ZYG11B: variants seen among roughly 807,000 people sequenced by gnomAD.
The protein encoded by ZYG11B is zyg-11 family member B, cell cycle regulator.
A neutral mutation model predicts 82.4 loss-of-function variants in ZYG11B; 36 were observed. That is an observed-to-expected ratio of 0.44 (90% CI 0.33 to 0.58). The LOEUF is 0.58. Among genes scored for constraint, ZYG11B ranks in the 20% least tolerant of loss-of-function variants. The probability of loss-of-function intolerance (pLI) is 0.02; values close to 1 mark genes in which losing one functional copy is unlikely to be tolerated. For synonymous variants in ZYG11B, 303 were observed against 312.8 expected (o/e 0.97, Z 0.33); for missense variants, 552 against 895.6 (o/e 0.62, Z 4.90).
chr1:52,746,133 AT>A (rs1014872558), intron 1 of ZYG11B, among the ~76,000 whole-genome samples: 1 of 150,704 alleles, frequency 6.6e-6, no homozygotes, highest in Admixed American at 6.6e-5. Flanking sequence ...AATTTTTTGT[AT>A]TTTTTTTAGT....
At chr1:52,754,492 C>T (rs899230118) in intron 1 of ZYG11B, 1 of 152,300 alleles carries the variant, frequency 6.6e-6, no homozygotes, top group Admixed American at 6.5e-5. Flanking sequence ...AGCAATTCTC[C>T]TGCCTCAGCC....
chr1:52,797,311 A>G (rs1336127950), intron 8 of ZYG11B, among the ~76,000 whole-genome samples: 6 of 84,806 alleles, frequency 7.1e-5, no homozygotes, highest in African/African-American at 3.4e-4. Context: ...ATATAAATAT[A>G]TACATATAAT....
At chr1:52,814,810 G>A (rs564309857) in intron 12 of ZYG11B, among the ~76,000 whole-genome samples, 14 of 152,140 alleles carry the variant, frequency 9.2e-5, no homozygotes, top group African/African-American at 3.1e-4. Context: ...AAAAAGCATC[G>A]TATTAATGTA....
At chr1:52,754,958 T>C (rs868746518) in intron 1 of ZYG11B, among the ~76,000 whole-genome samples, 8 of 121,140 alleles carry the variant, frequency 6.6e-5, no homozygotes, top group Middle Eastern at 4.1e-3. Flanking sequence ...AAAAGCCTAT[T>C]CTTTTTTTTT....
At chr1:52,794,054 A>AG (rs1466220041) in intron 6 of ZYG11B, among the ~76,000 whole-genome samples, 1 of 151,714 alleles carries the variant, frequency 6.6e-6, no homozygotes, top group African/African-American at 2.4e-5. Context: ...AGCTCACTGC[A>AG]GCCTCTGCCT....
In ZYG11B at chr1:52,771,779, G is replaced by A. The variant is rs1644753445; in HGVS notation, c.951+5G>A. 6.3e-7 allele frequency: 1 copy of A among 1,598,868 alleles called. No homozygotes were observed. The highest frequency in any genetic ancestry group is 1.8e-5 in the Admixed American group (1 of 57,088). ...ACAGGCGAAGGACATTTGAAGGTTAGACTTTAAAAATGTATTATTTTGTCA... is the reference window on the plus strand; with the variant it reads ...ACAGGCGAAGGACATTTGAAGGTTAAACTTTAAAAATGTATTATTTTGTCA... On this transcript the variant is annotated splice_donor_5th_base_variant and intron_variant, in intron 3 of 13. Coordinates refer to ENST00000294353, the MANE Select transcript of ZYG11B (RefSeq NM_024646.3). The surrounding 1 kb of genome is among the most constrained non-coding windows in gnomAD (Gnocchi z 5.4).
At position 52,823,152 on chromosome 1, in the gene ZYG11B, A is replaced by C. The variant is rs1645295434; in HGVS notation, c.*1523A>C. Reference sequence around the variant, plus strand: ...CCTTCATGTGAATGAAAACTGAGTTAAAAGAAAGTAGGCATTTAGGTCTGG... The same window carrying C: ...CCTTCATGTGAATGAAAACTGAGTTCAAAGAAAGTAGGCATTTAGGTCTGG... On this transcript the variant is annotated 3_prime_UTR_variant, in exon 14 of 14. Coordinates refer to ENST00000294353, the MANE Select transcript of ZYG11B (RefSeq NM_024646.3). 1 of 152,116 alleles carries C rather than the reference A, an allele frequency of 6.6e-6. No homozygotes were observed. Among genetic ancestry groups the C allele is most frequent in the South Asian group, 2.1e-4 (1 of 4,822 alleles). 9.4% of individuals were successfully genotyped at this position (152,116 alleles called of 1,614,324 possible).
intron 10 of ZYG11B, among the ~76,000 whole-genome samples, chr1:52,808,307 T>C (rs1645157778): frequency 1.3e-5 from 2 of 151,934 alleles, no homozygotes; most frequent in Non-Finnish European, 2.9e-5. Flanking sequence ...GAGGTTGCAG[T>C]GAGCCGAGAT....
rs1645322449 is a variant in ZYG11B at position 52,826,039 on chromosome 1, A to G, written c.*4410A>G. The G allele has an allele frequency of 6.6e-6, 1 of 152,198 alleles. No individual in the cohort carries two copies. Among genetic ancestry groups the G allele is most frequent in the South Asian group, 2.1e-4 (1 of 4,832 alleles). The allele number at this position is 152,198 out of a possible 1,614,324, so 9.4% of individuals were successfully genotyped here. ...AAACTTAAACTCTTTGTATATGGTG[A>G]AACCCATCCCTCTCCTGCCCTCTAA... On this transcript the variant is annotated 3_prime_UTR_variant, in exon 14 of 14. Transcript: ENST00000294353.
At chr1:52,735,126 G>T (rs1468828071) in intron 1 of ZYG11B, among the ~76,000 whole-genome samples, 2 of 151,258 alleles carry the variant, frequency 1.3e-5, no homozygotes, top group Non-Finnish European at 2.9e-5. Flanking sequence ...CGCCTCCCAG[G>T]TTCAAGCGGT....
intron 4 of ZYG11B, among the ~76,000 whole-genome samples, chr1:52,783,904 A>ATATGTACATACACGTGTGTGTT (rs1558132749): frequency 1.5e-5 from 1 of 68,164 alleles, no homozygotes; most frequent in Non-Finnish European, 3.2e-5. Context: ...ACGTGTGTGT[A>ATATGTACATACACGTGTGTGTT]TATACATCTA....
chr1:52,805,091 C>CAAAAAAAAAAAAAAAAAA (rs57893615), intron 10 of ZYG11B: 1 of 112,262 alleles, frequency 8.9e-6, no homozygotes. Context: ...AACTCTGTCT[C>CAAAAAAAAAAAAAAAAAA]AAAAAAAAAA....
At chr1:52,784,817 C>T in intron 4 of ZYG11B, 60 bp from the exon 5 acceptor site, 2 of 1,526,616 alleles carry the variant, frequency 1.3e-6, no homozygotes, top group Non-Finnish European at 1.8e-6. Context: ...AATAATTCTG[C>T]TCTGTGAAGA....
intron 2 of ZYG11B, among the ~76,000 whole-genome samples, chr1:52,758,797 T>C (rs1305536594): frequency 6.6e-6 from 1 of 152,280 alleles, no homozygotes; most frequent in Non-Finnish European, 1.5e-5. Context: ...CAACCTGTCA[T>C]AGGAACTAGG....
Position 52,823,913 on chromosome 1 carries a change from T to G in ZYG11B, c.*2284T>G, listed in dbSNP as rs1221491879. 6.6e-6 allele frequency: 1 copy of G among 151,580 alleles called. No individual in the cohort carries two copies. Among genetic ancestry groups the G allele is most frequent in the Non-Finnish European group, 1.5e-5 (1 of 67,820 alleles). The allele number at this position is 151,580 out of a possible 1,614,324, so 9.4% of individuals were successfully genotyped here. On this transcript the variant is annotated 3_prime_UTR_variant, in exon 14 of 14. Coordinates refer to ENST00000294353, the MANE Select transcript of ZYG11B (RefSeq NM_024646.3). Reference sequence around the variant, plus strand: ...TGGGAGGCCGAGGCGGGCAGATCACTTGAGATCAGGAGTTCGAGACCACCC... The same window carrying G: ...TGGGAGGCCGAGGCGGGCAGATCACGTGAGATCAGGAGTTCGAGACCACCC...
chr1:52,764,669 G>A (rs1334174399), intron 2 of ZYG11B, among the ~76,000 whole-genome samples: 1 of 152,124 alleles, frequency 6.6e-6, no homozygotes, highest in Non-Finnish European at 1.5e-5. Flanking sequence ...TAGTCCAGTG[G>A]GAGACACAAT....
At position 52,771,241 on chromosome 1, in the gene ZYG11B, T is replaced by A; in HGVS notation, c.418T>A (p.Cys140Ser). 1 of 1,614,228 alleles carries A rather than the reference T, an allele frequency of 6.2e-7. No homozygotes were observed. The highest frequency in any genetic ancestry group is 1.1e-5 in the South Asian group (1 of 91,088). Reference sequence around the variant, plus strand: ...CAAATGGATCCAGCAGAATCTCCAGTGCCTGGTGCTGAATTCATTAACTCT... The same window carrying A: ...CAAATGGATCCAGCAGAATCTCCAGAGCCTGGTGCTGAATTCATTAACTCT... ...SNKWIQQNLQ[C>S]LVLNSLTLSL... Residue 140 changes from cysteine (C) to serine (S), a missense_variant, in exon 3 of 14, where the codon TGC becomes AGC. Around this residue, in one of 3 missense-constraint regions of ZYG11B, gnomAD observed 359 missense variants for 555.8 expected, o/e 0.65. Transcript: ENST00000294353. The surrounding 1 kb of genome is among the most constrained non-coding windows in gnomAD (Gnocchi z 5.4).
At chr1:52,737,953 T>C (rs1644391596) in intron 1 of ZYG11B, among the ~76,000 whole-genome samples, 1 of 152,266 alleles carries the variant, frequency 6.6e-6, no homozygotes, top group African/African-American at 2.4e-5. Context: ...TTTACTAGCC[T>C]AAATGGCACT....
At chr1:52,805,286 G>A in intron 10 of ZYG11B, 1 of 337,372 alleles carries the variant, frequency 3.0e-6, no homozygotes, top group Non-Finnish European at 5.8e-6. Context: ...AATGTAAATT[G>A]GAGCTTGTTT....
Sources: allele counts gnomAD v4.1 joint callset (sites outside exome capture counted in the v4.1 genomes callset), GRCh38; gene constraint gnomAD v4.1.1; regional missense constraint gnomAD v4.1.1; non-coding constraint Gnocchi (gnomAD v3.1); transcripts MANE v1.5; gene names NCBI Gene and HGNC (gene_info 2026-07-23, HGNC 2026-07-21).